The following SFXN4 variants were observed in gnomAD, a reference collection of about 807,000 sequenced individuals.
SFXN4 encodes the protein sideroflexin-4.
Under a neutral mutation model 54.6 loss-of-function variants are expected in SFXN4, and 48 were observed. The ratio of observed to expected loss-of-function variants is 0.88; its 90% CI spans 0.70 to 1.12. The LOEUF (loss-of-function observed/expected upper bound fraction) is 1.12. Ranked by LOEUF, SFXN4 falls within the 50% of genes most tolerant of loss-of-function variation. The probability of loss-of-function intolerance (pLI) is 0.00; values close to 1 mark genes in which losing one functional copy is unlikely to be tolerated. For missense variants in SFXN4, 383 were observed against 409.2 expected, an observed-to-expected ratio of 0.94 and a Z score of 0.55; for synonymous variants, 130 against 145.5, an observed-to-expected ratio of 0.89 and a Z score of 0.77.
At chr10:119,145,596 G>A (rs889105986) in intron 13 of SFXN4, among the ~76,000 whole-genome samples, 29 of 151,858 alleles carry the variant, frequency 1.9e-4, no homozygotes, top group African/African-American at 6.3e-4. Flanking sequence ...GAGCCACCGC[G>A]CCTGGCCTGA....
intron 13 of SFXN4, among the ~76,000 whole-genome samples, chr10:119,141,944 G>A (rs1235498789): frequency 6.6e-6 from 1 of 152,138 alleles, no homozygotes. Context: ...CTTGAACCTG[G>A]GAGGTGGAGG....
chr10:119,149,576 C>A (rs990762290), intron 11 of SFXN4, among the ~76,000 whole-genome samples: 1 of 152,098 alleles, frequency 6.6e-6, no homozygotes, highest in Admixed American at 6.5e-5. Context: ...ATAGTGAAAC[C>A]CTGTCTCTAC....
Position 119,160,983 on chromosome 10 carries a change from G to GA in SFXN4, c.280-15dup. On this transcript the variant is annotated splice_polypyrimidine_tract_variant and intron_variant, in intron 4 of 13. Coordinates refer to ENST00000355697, the MANE Select transcript of SFXN4 (RefSeq NM_213649.2). Reference sequence around the variant, plus strand: ...ATGCACTGTTGCCTTCAAAAGGAGAGATGCAAGGTTAGCTGGATGTCTGGT... The same window carrying GA: ...ATGCACTGTTGCCTTCAAAAGGAGAGAATGCAAGGTTAGCTGGATGTCTGGT... 1 of 1,614,174 alleles carries GA rather than the reference G, an allele frequency of 6.2e-7. No homozygotes were observed. The highest frequency in any genetic ancestry group is 8.5e-7 in the Non-Finnish European group (1 of 1,180,024).
intron 11 of SFXN4, among the ~76,000 whole-genome samples, chr10:119,152,991 C>T (rs1182980664): frequency 1.3e-5 from 2 of 151,936 alleles, no homozygotes; most frequent in Non-Finnish European, 2.9e-5. Flanking sequence ...TTCACAGGGA[C>T]CAAAAAAGAT....
chr10:119,154,323 T>C (rs899917801), intron 11 of SFXN4, among the ~76,000 whole-genome samples: 2 of 152,206 alleles, frequency 1.3e-5, no homozygotes, highest in Non-Finnish European at 2.9e-5. Context: ...TGTCCAAGTT[T>C]CCAGCCTCCA....
chr10:119,155,283 A>T lies in SFXN4; in HGVS notation c.617-106T>A, dbSNP rs1847236665. On this transcript the variant is annotated intron_variant, in intron 10 of 13. Transcript: ENST00000355697. ...CCCCCTGCAAGCCTCTTTCTCTGACAGCTGGCCTTTCTTGACCCTCAGGTG... is the reference window on the plus strand; with the variant it reads ...CCCCCTGCAAGCCTCTTTCTCTGACTGCTGGCCTTTCTTGACCCTCAGGTG... 4 of 775,850 alleles carry T rather than the reference A, an allele frequency of 5.2e-6. No individual in the cohort carries two copies. The South Asian group carries it at 6.4e-5, about 12-fold the overall frequency. 48.1% of individuals were successfully genotyped at this position (775,850 alleles called of 1,614,324 possible).
chr10:119,153,346 G>A (rs1337837787), intron 11 of SFXN4, among the ~76,000 whole-genome samples: 1 of 132,760 alleles, frequency 7.5e-6, no homozygotes, highest in Non-Finnish European at 1.7e-5. Flanking sequence ...GGGAGGTTGA[G>A]GCTGTAGAGC....
At chr10:119,154,108 G>A (rs1202198864) in intron 11 of SFXN4, among the ~76,000 whole-genome samples, 1 of 151,630 alleles carries the variant, frequency 6.6e-6, no homozygotes, top group African/African-American at 2.4e-5. Flanking sequence ...AACCCAGGAA[G>A]CGGAGGTTGC....
intron 10 of SFXN4, 70 bp from the exon 11 acceptor site, chr10:119,155,247 T>C (rs756299618): frequency 4.6e-5 from 49 of 1,076,230 alleles, no homozygotes; most frequent in Non-Finnish European, 6.0e-5. Flanking sequence ...GAACATCTCT[T>C]TGGGTGTCTG....
In SFXN4 at chr10:119,164,909, CTG is replaced by C. The variant is rs1847706099; in HGVS notation, c.111+626_111+627del. Among the ~76,000 whole-genome samples, 14 of 152,292 alleles carry C rather than the reference CTG, an allele frequency of 9.2e-5. No individual in the cohort carries two copies. In the South Asian group the frequency reaches 2.9e-3, roughly 32 times the overall value. On this transcript the variant is annotated intron_variant, in intron 1 of 13. Coordinates refer to ENST00000355697, the MANE Select transcript of SFXN4 (RefSeq NM_213649.2). ...TAACAGACGCCGGATTTGGAACACT[CTG>C]TACCAAAAAAGCGAGTAAAATATCT...
intron 13 of SFXN4, among the ~76,000 whole-genome samples, chr10:119,143,286 C>T (rs1440049173): frequency 2.0e-5 from 3 of 152,154 alleles, no homozygotes; most frequent in Non-Finnish European, 4.4e-5. Flanking sequence ...GAACTCTTCC[C>T]TCTCCCTCCT....
intron 3 of SFXN4, among the ~76,000 whole-genome samples, chr10:119,161,437 C>CAAAAAAAAAAAAAAAAACCA (rs1554888747): frequency 1.7e-5 from 2 of 119,834 alleles, no homozygotes; most frequent in African/African-American, 6.3e-5. Flanking sequence ...CAAAAAAAAA[C>CAAAAAAAAAAAAAAAAACCA]AAAAAAAAAA....
rs763534453 is a variant in SFXN4, at chr10:119,157,987, G to A, written c.414+22C>T. Reference sequence around the variant, plus strand: ...TCAAGCATAACAGAATTTAGTAATCGTGAAACAGGAAGAATGGCTACCTGA... The same window carrying A: ...TCAAGCATAACAGAATTTAGTAATCATGAAACAGGAAGAATGGCTACCTGA... On this transcript the variant is annotated intron_variant, in intron 7 of 13. Coordinates refer to ENST00000355697, the MANE Select transcript of SFXN4 (RefSeq NM_213649.2). 1.7e-5 allele frequency: 27 copies of A among 1,614,054 alleles called. No homozygotes were observed. The Admixed American group carries it at 2.3e-4, about 14-fold the overall frequency.
chr10:119,156,808 G>T (rs1181571777), intron 9 of SFXN4, 52 bp from the exon 10 acceptor site: 2 of 1,387,270 alleles, frequency 1.4e-6, no homozygotes, highest in East Asian at 4.8e-5. Context: ...AAAATCAGCG[G>T]AACCTACTCA....
chr10:119,141,350 A>G, intron 13 of SFXN4, 31 bp from the exon 14 acceptor site: 1 of 1,395,016 alleles, frequency 7.2e-7, no homozygotes. Context: ...TAATGTTTCT[A>G]TTAATAGTTT....
intron 13 of SFXN4, among the ~76,000 whole-genome samples, chr10:119,145,077 A>C (rs1022212689): frequency 6.0e-5 from 8 of 133,194 alleles, no homozygotes; most frequent in African/African-American, 2.0e-4. Context: ...GATTTGAGGG[A>C]TAGAATTAAA....
chr10:119,144,468 A>G (rs574973962), intron 13 of SFXN4, among the ~76,000 whole-genome samples: 1 of 152,218 alleles, frequency 6.6e-6, no homozygotes, highest in East Asian at 1.9e-4. Context: ...AAAAAAAAAA[A>G]TTGCTAATAT....
At chr10:119,162,256 A>T in intron 3 of SFXN4, 84 bp downstream of exon 3, 1 of 1,074,700 alleles carries the variant, frequency 9.3e-7, no homozygotes, top group Non-Finnish European at 1.4e-6. Flanking sequence ...GACAGAGATT[A>T]ATGGCCAAAT....
At chr10:119,161,104 CT>C in intron 3 of SFXN4, 23 bp from the exon 4 acceptor site, 1 of 1,613,202 alleles carries the variant, frequency 6.2e-7, no homozygotes, top group Middle Eastern at 1.7e-4. Flanking sequence ...AAAAGAATAG[CT>C]TTGTTTCATT....
Sources: gnomAD v4.1 joint callset for allele counts (sites outside exome capture counted in the v4.1 genomes callset) on GRCh38, gnomAD v4.1.1 for gene constraint, MANE v1.5 for transcripts, NCBI Gene and HGNC (gene_info 2026-07-23, HGNC 2026-07-21) for gene names.